Variants in MDGA2 observed in about 807,000 individuals in gnomAD.
MDGA2 encodes MAM domain containing glycosylphosphatidylinositol anchor 2.
Under a neutral mutation model 117.8 loss-of-function variants are expected in MDGA2, and 40 were observed. The ratio of observed to expected loss-of-function variants is 0.34; its 90% confidence interval spans 0.26 to 0.44. The LOEUF (loss-of-function observed/expected upper bound fraction) is 0.44, where lower values mean the gene tolerates loss of function less well. Ranked by LOEUF, MDGA2 falls within the 20% of genes least tolerant of loss-of-function variation. MDGA2 has a pLI of 1.00. For synonymous variants in MDGA2, 452 were observed against 439.0 expected (o/e 1.03, Z -0.37); for missense variants, 1,123 against 1,250.6 (o/e 0.90, Z 1.54).
intron 9 of MDGA2, among the ~76,000 whole-genome samples, chr14:46,951,410 G>A (rs751346172): frequency 2.0e-5 from 3 of 151,884 alleles, no homozygotes; most frequent in East Asian, 1.9e-4. Flanking sequence ...GGGAAAAACC[G>A]TGACTTCTTT....
Position 46,938,718 on chromosome 14 carries a change from A to G in MDGA2, c.2090-18558T>C, listed in dbSNP as rs373605541. On this transcript the variant is annotated intron_variant, in intron 9 of 16. Transcript: ENST00000399232. ...GAAAAGTATGGAGGTTCCTCAAAAA[A>G]CTACAAATGAAAGTACCATAGGATT... Among the ~76,000 whole-genome samples the G allele has an allele frequency of 4.6e-4, 70 of 152,082 alleles. 1 individual carries two copies. The highest frequency in any genetic ancestry group is 1.2e-3 in the South Asian group (6 of 4,814).
At chr14:47,345,010 T>C (rs1212943511) in intron 1 of MDGA2, among the ~76,000 whole-genome samples, 2 of 152,098 alleles carry the variant, frequency 1.3e-5, no homozygotes, top group African/African-American at 4.8e-5. Context: ...TTGATGTTAA[T>C]ATTTCAACCA....
At chr14:47,499,970 A>G (rs1894365810) in intron 1 of MDGA2, among the ~76,000 whole-genome samples, 1 of 152,182 alleles carries the variant, frequency 6.6e-6, no homozygotes, top group Non-Finnish European at 1.5e-5. Flanking sequence ...TTAGTAGTAG[A>G]CATTGTTGGA....
intron 1 of MDGA2, among the ~76,000 whole-genome samples, chr14:47,404,377 G>T (rs747821414): frequency 2.6e-5 from 4 of 151,828 alleles, no homozygotes; most frequent in Admixed American, 6.6e-5. Flanking sequence ...GTAGAGATGG[G>T]GTTTCACCAT....
At chr14:47,105,136 CA>C (rs2139022903) in intron 5 of MDGA2, among the ~76,000 whole-genome samples, 1 of 152,170 alleles carries the variant, frequency 6.6e-6, no homozygotes, top group Admixed American at 6.5e-5. Flanking sequence ...CCCTTAGCGG[CA>C]AGTCCCGCTT....
chr14:47,633,326 T>A (rs959050900), intron 1 of MDGA2, among the ~76,000 whole-genome samples: 10 of 152,124 alleles, frequency 6.6e-5, no homozygotes, highest in African/African-American at 2.4e-4. Flanking sequence ...TAAACCTTAG[T>A]TCAATAAAGA....
At chr14:47,541,590 C>A (rs1162866946) in intron 1 of MDGA2, among the ~76,000 whole-genome samples, 1 of 152,122 alleles carries the variant, frequency 6.6e-6, no homozygotes, top group Non-Finnish European at 1.5e-5. Context: ...GCCTTTTCTG[C>A]CAGTAGCCCA....
At chr14:47,252,339 T>C (rs1887474855) in intron 2 of MDGA2, among the ~76,000 whole-genome samples, 1 of 152,180 alleles carries the variant, frequency 6.6e-6, no homozygotes, top group Non-Finnish European at 1.5e-5. Context: ...AATAGGGTTG[T>C]GATATATTTA....
intron 7 of MDGA2, among the ~76,000 whole-genome samples, chr14:47,047,779 C>A (rs139883701): frequency 1.3e-5 from 2 of 151,806 alleles, no homozygotes; most frequent in East Asian, 3.9e-4. Flanking sequence ...AGGATAGGTA[C>A]TTACACGGTC....
intron 9 of MDGA2, among the ~76,000 whole-genome samples, chr14:46,934,784 T>C (rs1884715858): frequency 3.3e-5 from 5 of 152,144 alleles, no homozygotes; most frequent in Non-Finnish European, 5.9e-5. Flanking sequence ...AAACCTACTT[T>C]TGCTTAATTT....
chr14:47,342,256 TTATATATATA>T (rs10536485), intron 1 of MDGA2, among the ~76,000 whole-genome samples: 48,411 of 133,976 alleles, frequency 0.36, 8,827 homozygotes, highest in Admixed American at 0.54. Context: ...CACAAAATGT[TTATATATATA>T]TATATATATA....
chr14:47,066,470 C>G (rs1336776140), intron 6 of MDGA2, among the ~76,000 whole-genome samples: 2 of 152,058 alleles, frequency 1.3e-5, no homozygotes, highest in African/African-American at 2.4e-5. Flanking sequence ...GTTGTGGGAA[C>G]AGAATAACAC....
intron 1 of MDGA2, among the ~76,000 whole-genome samples, chr14:47,654,254 G>C (rs1897698341): frequency 6.6e-6 from 1 of 152,108 alleles, no homozygotes; most frequent in South Asian, 2.1e-4. Context: ...AAGAGCCCTA[G>C]AGATAACAAA....
At chr14:47,372,912 T>C (rs1431006457) in intron 1 of MDGA2, among the ~76,000 whole-genome samples, 3 of 151,962 alleles carry the variant, frequency 2.0e-5, no homozygotes, top group Non-Finnish European at 4.4e-5. Flanking sequence ...GTCAGAGCTA[T>C]CTCTTTTGGC....
At chr14:47,419,232 T>A (rs1406670276) in intron 1 of MDGA2, among the ~76,000 whole-genome samples, 1 of 151,900 alleles carries the variant, frequency 6.6e-6, no homozygotes, top group Non-Finnish European at 1.5e-5. Context: ...TGATACTAAA[T>A]GCAGAGGCAC....
At chr14:47,088,294 C>G (rs900937127) in intron 6 of MDGA2, among the ~76,000 whole-genome samples, 7 of 151,992 alleles carry the variant, frequency 4.6e-5, no homozygotes, top group African/African-American at 1.7e-4. Flanking sequence ...AATATAATAA[C>G]ATTCTCTCTG....
chr14:47,104,527 T>A (rs1159940028), intron 5 of MDGA2, among the ~76,000 whole-genome samples: 1 of 146,028 alleles, frequency 6.8e-6, no homozygotes, highest in African/African-American at 2.6e-5. Context: ...TAATTTTCCT[T>A]TACCTACCCA....
Position 47,014,152 on chromosome 14 carries a change from T to C in MDGA2, c.1819+20859A>G, listed in dbSNP as rs1566574882. Among the ~76,000 whole-genome samples the C allele has an allele frequency of 3.3e-5, 5 of 152,186 alleles. No homozygotes were observed. The South Asian group carries it at 8.3e-4, about 25-fold the overall frequency. ...GACCAGGTGCATTGTCAGTGAGCAG[T>C]AATATTTTGAACAGTAAGTCTCATC... On this transcript the variant is annotated intron_variant, in intron 8 of 16. Transcript: ENST00000399232.
intron 1 of MDGA2, among the ~76,000 whole-genome samples, chr14:47,432,317 T>C (rs945754228): frequency 6.6e-6 from 1 of 152,138 alleles, no homozygotes; most frequent in Non-Finnish European, 1.5e-5. Context: ...CTCACACTTA[T>C]ATGTGGGGCC....
Sources: allele counts gnomAD v4.1 joint callset (sites outside exome capture counted in the v4.1 genomes callset), GRCh38; gene constraint gnomAD v4.1.1; transcripts MANE v1.5; gene names NCBI Gene and HGNC (gene_info 2026-07-23, HGNC 2026-07-21).